Variants in KIAA1328 observed in about 807,000 individuals in gnomAD.
The protein encoded by KIAA1328 is protein hinderin.
In KIAA1328, 52 loss-of-function variants were observed where a neutral mutation model predicts 68.1. The ratio of observed to expected loss-of-function variants is 0.76; its 90% CI spans 0.61 to 0.96. The LOEUF is 0.96. KIAA1328 is among the 40% of genes least tolerant of loss of function. The probability of loss-of-function intolerance (pLI) is 0.00; values close to 1 mark genes in which losing one functional copy is unlikely to be tolerated. For synonymous variants in KIAA1328, 232 were observed against 239.4 expected (o/e 0.97, Z 0.28); for missense variants, 641 against 677.6 (o/e 0.95, Z 0.60).
chr18:36,971,367 C>T (rs1468627759), intron 6 of KIAA1328, among the ~76,000 whole-genome samples: 1 of 152,104 alleles, frequency 6.6e-6, no homozygotes, highest in Non-Finnish European at 1.5e-5. Flanking sequence ...TAGGTAATAC[C>T]ATTCACGACA....
At chr18:36,880,574 C>A (rs1381561256) in intron 4 of KIAA1328, among the ~76,000 whole-genome samples, 1 of 152,240 alleles carries the variant, frequency 6.6e-6, no homozygotes, top group East Asian at 1.9e-4. Context: ...TGTGTTATTG[C>A]ACTGGCTATG....
chr18:37,084,063 A>C, intron 7 of KIAA1328: 1 of 988,554 alleles, frequency 1.0e-6, no homozygotes, highest in Non-Finnish European at 1.3e-6. Flanking sequence ...GGTTTTCCAA[A>C]ATTTATCATT....
At chr18:36,860,932 A>T (rs150517463) in intron 4 of KIAA1328, among the ~76,000 whole-genome samples, 121 of 152,266 alleles carry the variant, frequency 7.9e-4, no homozygotes, top group African/African-American at 2.9e-3. Context: ...AATAGTACAG[A>T]GGGTTCTCTT....
intron 7 of KIAA1328, among the ~76,000 whole-genome samples, chr18:37,127,025 G>A (rs974180433): frequency 1.3e-5 from 2 of 152,124 alleles, no homozygotes; most frequent in Admixed American, 1.3e-4. Flanking sequence ...TGGAAACAAG[G>A]CAAAGATGTT....
intron 5 of KIAA1328, among the ~76,000 whole-genome samples, chr18:36,932,669 C>T (rs1481607017): frequency 6.6e-6 from 1 of 152,122 alleles, no homozygotes; most frequent in Admixed American, 6.6e-5. Context: ...TCCTAAAGTC[C>T]CATTGTTCAG....
intron 6 of KIAA1328, among the ~76,000 whole-genome samples, chr18:36,963,959 T>G (rs2051807343): frequency 6.6e-6 from 1 of 152,200 alleles, no homozygotes; most frequent in Non-Finnish European, 1.5e-5. Context: ...TTAATACATA[T>G]TAAATCATTT....
intron 4 of KIAA1328, among the ~76,000 whole-genome samples, chr18:36,884,319 G>A (rs2150978490): frequency 6.6e-6 from 1 of 151,982 alleles, no homozygotes; most frequent in Middle Eastern, 3.4e-3. Flanking sequence ...GAAGGGCCTG[G>A]GTCCCATTCA....
chr18:36,847,276 A>G (rs1343394245), intron 4 of KIAA1328, among the ~76,000 whole-genome samples: 1 of 151,502 alleles, frequency 6.6e-6, no homozygotes, highest in African/African-American at 2.4e-5. Flanking sequence ...TCTTCAGTAA[A>G]TGCTCAATTA....
At chr18:36,953,707 A>G (rs1176250544) in intron 5 of KIAA1328, among the ~76,000 whole-genome samples, 1 of 152,106 alleles carries the variant, frequency 6.6e-6, no homozygotes, top group Non-Finnish European at 1.5e-5. Flanking sequence ...ATTTTATTTT[A>G]TAAACCAACT....
At chr18:36,962,934 C>T (rs1422525508) in intron 6 of KIAA1328, among the ~76,000 whole-genome samples, 1 of 152,060 alleles carries the variant, frequency 6.6e-6, no homozygotes, top group Non-Finnish European at 1.5e-5. Flanking sequence ...CAAACAAATT[C>T]AAAAGCTAGC....
At chr18:37,021,338 A>T (rs879905656) in intron 6 of KIAA1328, among the ~76,000 whole-genome samples, 7 of 152,208 alleles carry the variant, frequency 4.6e-5, no homozygotes, top group Admixed American at 4.6e-4. Flanking sequence ...TTTTCAATAA[A>T]ATGTTATTAA....
At chr18:36,959,994 G>A (rs1420053095) in intron 6 of KIAA1328, among the ~76,000 whole-genome samples, 1 of 152,208 alleles carries the variant, frequency 6.6e-6, no homozygotes, top group Non-Finnish European at 1.5e-5. Context: ...AACCCTGCCA[G>A]ATGTGATGTG....
At chr18:36,905,726 G>T (rs1210673220) in intron 5 of KIAA1328, among the ~76,000 whole-genome samples, 1 of 152,072 alleles carries the variant, frequency 6.6e-6, no homozygotes, top group Non-Finnish European at 1.5e-5. Flanking sequence ...TCCATATCTG[G>T]AAATTATTGG....
chr18:36,980,772 C>G (rs1422597307), intron 6 of KIAA1328, among the ~76,000 whole-genome samples: 1 of 152,118 alleles, frequency 6.6e-6, no homozygotes, highest in Admixed American at 6.5e-5. Context: ...CCATGCTGTT[C>G]TCATGATAGT....
At chr18:36,994,285 G>C (rs182023495) in intron 6 of KIAA1328, among the ~76,000 whole-genome samples, 37 of 152,260 alleles carry the variant, frequency 2.4e-4, no homozygotes, top group Non-Finnish European at 2.2e-4. Flanking sequence ...GCTCACAATG[G>C]TTTCTGTTGA....
At chr18:36,948,707 G>A (rs1398538181) in intron 5 of KIAA1328, among the ~76,000 whole-genome samples, 4 of 151,890 alleles carry the variant, frequency 2.6e-5, no homozygotes. Context: ...GCGCCACCAC[G>A]CCCAGCTAAT....
chr18:37,143,250 C>T (rs1454391199), intron 7 of KIAA1328, among the ~76,000 whole-genome samples: 4 of 151,994 alleles, frequency 2.6e-5, no homozygotes, highest in South Asian at 4.1e-4. Flanking sequence ...CCACCATGCC[C>T]GGCCTACTTA....
chr18:37,074,119 G>A (rs1340357878), intron 7 of KIAA1328, among the ~76,000 whole-genome samples: 1 of 152,210 alleles, frequency 6.6e-6, no homozygotes, highest in Non-Finnish European at 1.5e-5. Flanking sequence ...ATGTTTGGCT[G>A]TAGTAGGACA....
At chr18:36,867,807 A>T (rs2150916357) in intron 4 of KIAA1328, among the ~76,000 whole-genome samples, 1 of 152,378 alleles carries the variant, frequency 6.6e-6, no homozygotes, top group East Asian at 1.9e-4. Context: ...CAATTGATGC[A>T]TTCAAACAGG....
Sources: allele counts gnomAD v4.1 joint callset (sites outside exome capture counted in the v4.1 genomes callset), GRCh38; gene constraint gnomAD v4.1.1; transcripts MANE v1.5; gene names NCBI Gene and HGNC (gene_info 2026-07-23, HGNC 2026-07-21).